DNAH5: variants seen among roughly 807,000 people sequenced by gnomAD.
The protein encoded by DNAH5 is dynein axonemal heavy chain 5.
DNAH5 carries 372 observed loss-of-function variants against 518.2 expected under a neutral mutation model. The ratio of observed to expected loss-of-function variants is 0.72; its 90% CI spans 0.66 to 0.78. The LOEUF (loss-of-function observed/expected upper bound fraction) is 0.78. Ranked by LOEUF, DNAH5 falls within the 30% of genes least tolerant of loss-of-function variation. The probability of loss-of-function intolerance (pLI) is 0.00; values close to 1 mark genes in which losing one functional copy is unlikely to be tolerated. For missense variants in DNAH5, 5,523 were observed against 5,687.0 expected, an observed-to-expected ratio of 0.97 and a Z score of 0.93; for synonymous variants, 2,039 against 2,025.9, an observed-to-expected ratio of 1.01 and a Z score of -0.17.
chr5:13,823,961 T>C (rs1580431729), intron 39 of DNAH5, among the ~76,000 whole-genome samples: 1 of 152,320 alleles, frequency 6.6e-6, no homozygotes, highest in African/African-American at 2.4e-5. Flanking sequence ...TCTTAACATG[T>C]GTATTTTTTA....
At chr5:13,700,405 T>C (rs1741938566) in intron 78 of DNAH5, among the ~76,000 whole-genome samples, 1 of 152,136 alleles carries the variant, frequency 6.6e-6, no homozygotes, top group Non-Finnish European at 1.5e-5. Context: ...TATCCACACA[T>C]GTTAATCTGC....
At chr5:13,813,467 A>AC (rs1247429535) in intron 43 of DNAH5, among the ~76,000 whole-genome samples, 3 of 151,462 alleles carry the variant, frequency 2.0e-5, no homozygotes, top group Non-Finnish European at 4.4e-5. Context: ...GAAAAAAAAA[A>AC]AAAAAACAAT....
chr5:13,937,336 G>A lies in DNAH5; in HGVS notation c.58-6092C>T, dbSNP rs1471051177. Among the ~76,000 whole-genome samples the A allele has an allele frequency of 8.6e-5, 13 of 150,766 alleles. 1 individual carries two copies. The highest frequency in any genetic ancestry group is 4.3e-4 in the South Asian group (2 of 4,682). On this transcript the variant is annotated intron_variant, in intron 1 of 78. Transcript: ENST00000265104. Reference sequence around the variant, plus strand: ...AGATGGAGACCAGTTAACTAGCACCGATTTCCTGAGTTATATCAGTGGTAT... The same window carrying A: ...AGATGGAGACCAGTTAACTAGCACCAATTTCCTGAGTTATATCAGTGGTAT...
intron 1 of DNAH5, among the ~76,000 whole-genome samples, chr5:13,980,481 C>A (rs1782596076): frequency 6.6e-6 from 1 of 152,114 alleles, no homozygotes; most frequent in Non-Finnish European, 1.5e-5. Context: ...TCTCGGTCTT[C>A]CCCCTCCTTC....
intron 65 of DNAH5, among the ~76,000 whole-genome samples, chr5:13,749,195 C>T (rs1421153677): frequency 3.9e-5 from 6 of 151,900 alleles, no homozygotes; most frequent in Admixed American, 6.6e-5. Flanking sequence ...AAAGGTTAGG[C>T]GTTATAATGC....
intron 1 of DNAH5, among the ~76,000 whole-genome samples, chr5:13,988,376 C>T (rs193154): frequency 0.77 from 116,237 of 151,826 alleles, 44,813 homozygotes; most frequent in East Asian, 0.99. Flanking sequence ...AGGAATTGTG[C>T]TTGCTGTTTA....
chr5:13,932,643 T>C (rs534381085), intron 1 of DNAH5, among the ~76,000 whole-genome samples: 1 of 152,322 alleles, frequency 6.6e-6, no homozygotes, highest in East Asian at 1.9e-4. Flanking sequence ...GAGTTTCATA[T>C]CAAGAGAGAT....
intron 1 of DNAH5, among the ~76,000 whole-genome samples, chr5:13,980,130 G>A (rs1782573358): frequency 6.6e-6 from 1 of 152,028 alleles, no homozygotes; most frequent in Non-Finnish European, 1.5e-5. Flanking sequence ...GACCCACCGT[G>A]CCCAGCCCAT....
intron 1 of DNAH5, among the ~76,000 whole-genome samples, chr5:13,956,828 T>G (rs1780794208): frequency 6.6e-6 from 1 of 152,234 alleles, no homozygotes; most frequent in African/African-American, 2.4e-5. Context: ...AACTGAATTA[T>G]TCATAAAAGT....
rs1181593041 is a variant in DNAH5, at chr5:13,793,612, A to G, written c.8127T>C (p.Pro2709=). The G allele has an allele frequency of 1.2e-6, 2 of 1,614,176 alleles. No homozygotes were observed. The highest frequency in any genetic ancestry group is 4.5e-5 in the East Asian group (2 of 44,876). Reference sequence around the variant, plus strand: ...GGGGTATGTCATTGCGTCCACCACCAGGATGGATCATGGCTGCCAAAAACT... The same window carrying G: ...GGGGTATGTCATTGCGTCCACCACCGGGATGGATCATGGCTGCCAAAAACT... ...DIQFLAAMIH[P]GGGRNDIPQR... is the part of the protein sequence containing the mutation. Residue 2709 remains proline, a synonymous_variant, in exon 49 of 79, where the codon CCT becomes CCC. Coordinates refer to ENST00000265104, the MANE Select transcript of DNAH5 (RefSeq NM_001369.3).
chr5:13,716,663 T>A lies in DNAH5; in HGVS notation c.12733A>T (p.Met4245Leu), dbSNP rs1744316678. The A allele has an allele frequency of 6.2e-7, 1 of 1,613,624 alleles. No homozygotes were observed. Among genetic ancestry groups the A allele is most frequent in the South Asian group, 1.1e-5 (1 of 91,080 alleles). ...KGVSWTTIRYMIGEIQYGGRV... is the reference protein window; with the variant it reads ...KGVSWTTIRYLIGEIQYGGRV... ...CCTCCATATTGAATCTCTCCTATCATGTAGCGGATGGTGGTCCAGGAGACA... is the reference window on the plus strand; with the variant it reads ...CCTCCATATTGAATCTCTCCTATCAAGTAGCGGATGGTGGTCCAGGAGACA... Residue 4245 changes from methionine (M) to leucine (L), a missense_variant, in exon 74 of 79, where the codon ATG (methionine) becomes TTG (leucine). Met to Leu is a conservative substitution (Grantham distance 15). Coordinates refer to ENST00000265104, the MANE Select transcript of DNAH5 (RefSeq NM_001369.3).
chr5:13,917,356 C>T (rs1776756351), intron 7 of DNAH5, 100 bp from the exon 8 acceptor site: 1 of 834,328 alleles, frequency 1.2e-6, no homozygotes, highest in South Asian at 1.4e-5. Flanking sequence ...TAGGCGAGAC[C>T]TTCTGTCCAT....
chr5:13,772,740 C>A (rs1323677187), intron 55 of DNAH5, among the ~76,000 whole-genome samples: 1 of 151,032 alleles, frequency 6.6e-6, no homozygotes, highest in Non-Finnish European at 1.5e-5. Context: ...GCCCTAGGGG[C>A]TTCTTTAAAT....
chr5:13,971,832 C>T (rs1038898782), intron 1 of DNAH5, among the ~76,000 whole-genome samples: 1 of 152,108 alleles, frequency 6.6e-6, no homozygotes, highest in Non-Finnish European at 1.5e-5. Context: ...TCTAGGGTCA[C>T]CTGGATATGT....
intron 43 of DNAH5, 65 bp downstream of exon 43, chr5:13,814,540 C>T: frequency 1.3e-6 from 2 of 1,558,428 alleles, no homozygotes; most frequent in African/African-American, 1.4e-5. Flanking sequence ...TTGGCACACA[C>T]ACTAAAAGAA....
chr5:13,798,739 A>ATTTT (rs869228962), intron 47 of DNAH5, among the ~76,000 whole-genome samples: 42 of 59,284 alleles, frequency 7.1e-4, no homozygotes, highest in South Asian at 5.4e-3. Context: ...GATTTTATTT[A>ATTTT]TTTTATTTAT....
chr5:13,978,555 G>A (rs908739678), intron 1 of DNAH5, among the ~76,000 whole-genome samples: 4 of 152,134 alleles, frequency 2.6e-5, no homozygotes, highest in African/African-American at 7.2e-5. Flanking sequence ...TTCAGTCAAC[G>A]ATGGACTGCA....
chr5:13,968,066 C>T (rs556825788), intron 1 of DNAH5, among the ~76,000 whole-genome samples: 18 of 151,950 alleles, frequency 1.2e-4, no homozygotes, highest in African/African-American at 4.3e-4. Flanking sequence ...TATTTTATTT[C>T]ATTTTTTGTT....
chr5:13,716,819 G>A (rs1341938453), intron 73 of DNAH5, 129 bp from the exon 74 acceptor site: 2 of 726,316 alleles, frequency 2.8e-6, no homozygotes, highest in African/African-American at 3.5e-5. Context: ...ACTGCAAAGA[G>A]AAAGTGCAGA....
Sources: allele counts gnomAD v4.1 joint callset (sites outside exome capture counted in the v4.1 genomes callset), GRCh38; gene constraint gnomAD v4.1.1; transcripts MANE v1.5; gene names NCBI Gene and HGNC (gene_info 2026-07-23, HGNC 2026-07-21).